Variants in PEX3 observed in about 807,000 individuals in gnomAD.
PEX3 encodes peroxin-3.
Under a neutral mutation model 55.8 loss-of-function variants are expected in PEX3, and 30 were observed. The ratio of observed to expected loss-of-function variants is 0.54; its 90% CI spans 0.40 to 0.73. The LOEUF (loss-of-function observed/expected upper bound fraction) is 0.73. PEX3 is among the 30% of genes least tolerant of loss of function. The pLI, the probability that PEX3 is intolerant of heterozygous loss-of-function variation, is 0.00. For missense variants in PEX3, 351 were observed against 432.8 expected (o/e 0.81, Z 1.68); for synonymous variants, 135 against 148.4 (o/e 0.91, Z 0.66).
In PEX3 at chr6:143,488,422, C is replaced by T. The variant is rs1165843138; in HGVS notation, c.1039-721C>T. On this transcript the variant is annotated intron_variant, in intron 11 of 11. Transcript: ENST00000367591. This position sits in a 1 kb window ranked among gnomAD's most constrained non-coding sequence, Gnocchi z 4.9. The stretch of plus-strand genomic sequence containing the variant: ...TTTTAAAATTAAGTGTATGATATAG[C>T]GGTATTGCTTCTTTATTCATGCATT... Among the ~76,000 whole-genome samples the T allele has an allele frequency of 3.3e-5, 5 of 151,990 alleles. No homozygotes were observed. Among genetic ancestry groups the T allele is most frequent in the South Asian group, 2.1e-4 (1 of 4,826 alleles).
At position 143,458,962 on chromosome 6, in the gene PEX3, G is replaced by C. The variant is rs1779882867; in HGVS notation, c.74-123G>C. 1.5e-6 allele frequency: 1 copy of C among 666,308 alleles called. No individual in the cohort carries two copies. Among genetic ancestry groups the C allele is most frequent in the Non-Finnish European group, 2.6e-6 (1 of 385,272 alleles). The allele number at this position is 666,308 out of a possible 1,614,324, so 41.3% of individuals were successfully genotyped here. Reference sequence around the variant, plus strand: ...CAATCTTACAAAATTCTTTATTTAGGTTTTAAAAATGTAATTTTAGCTATC... The same window carrying C: ...CAATCTTACAAAATTCTTTATTTAGCTTTTAAAAATGTAATTTTAGCTATC... On this transcript the variant is annotated intron_variant, in intron 1 of 11. Transcript: ENST00000367591. This position sits in a 1 kb window ranked among gnomAD's most constrained non-coding sequence, Gnocchi z 6.1.
In PEX3 at chr6:143,450,814, C is replaced by T. The variant is rs1199804028; in HGVS notation, c.-229C>T. On this transcript the variant is annotated 5_prime_UTR_variant, in exon 1 of 12. Transcript: ENST00000367591. ...CTGGGCTTGTCGGACCAGTGAGCGG[C>T]GGCGGCTGCGCGGCGGCAGCGGCAG... 7 of 824,666 alleles carry T rather than the reference C, an allele frequency of 8.5e-6. No individual in the cohort carries two copies. The highest frequency in any genetic ancestry group is 3.1e-5 in the South Asian group (2 of 63,828). 51.1% of individuals were successfully genotyped at this position (824,666 alleles called of 1,614,324 possible).
At position 143,479,179 on chromosome 6, in the gene PEX3, C is replaced by T. The variant is rs771537349; in HGVS notation, c.922C>T (p.His308Tyr). The T allele has an allele frequency of 6.2e-7, 1 of 1,605,086 alleles. No individual in the cohort carries two copies. Among genetic ancestry groups the T allele is most frequent in the Non-Finnish European group, 8.5e-7 (1 of 1,172,022 alleles). Residue 308 changes from histidine to tyrosine, a missense_variant, in exon 10 of 12, where the codon CAT (histidine) becomes TAT (tyrosine). His to Tyr is a moderately conservative substitution (Grantham distance 83, BLOSUM62 2). Coordinates refer to ENST00000367591, the MANE Select transcript of PEX3 (RefSeq NM_003630.3). This position sits in a 1 kb window ranked among gnomAD's most constrained non-coding sequence, Gnocchi z 4.6. ...FFRPTEQDLQ[H>Y]GNSMNSLSSV... ...TCGACCTACTGAACAGGACCTGCAA[C>T]ATGGTAACTCTATGAATAGGTAAGA...
intron 8 of PEX3, among the ~76,000 whole-genome samples, chr6:143,474,044 A>G (rs1340137669): frequency 6.6e-6 from 1 of 152,086 alleles, no homozygotes; most frequent in Non-Finnish European, 1.5e-5. Context: ...AGGCAGGAGG[A>G]TCACTTGAGC....
rs1487888754 is a variant in PEX3, at chr6:143,489,010, C to T, written c.1039-133C>T. 3.1e-6 allele frequency: 2 copies of T among 652,280 alleles called. No individual in the cohort carries two copies. The highest frequency in any genetic ancestry group is 2.7e-5 in the East Asian group (1 of 36,930). The allele number at this position is 652,280 out of a possible 1,614,324, so 40.4% of individuals were successfully genotyped here. A position where few individuals can be genotyped will look rare whatever the true frequency, so the allele number is the denominator to read the frequency against. On this transcript the variant is annotated intron_variant, in intron 11 of 11. Coordinates refer to ENST00000367591, the MANE Select transcript of PEX3 (RefSeq NM_003630.3). This position sits in a 1 kb window ranked among gnomAD's most constrained non-coding sequence, Gnocchi z 5.5. ...AGAATTTATTACAAGAAAAACTACT[C>T]ATTTTCTTAAATGGTTTGCCTCTTG...
chr6:143,472,520 AT>A lies in PEX3; in HGVS notation c.747+196del, dbSNP rs3838325. 0.22 allele frequency among the ~76,000 whole-genome samples: 32,971 copies of A among 152,074 alleles called. 3,682 individuals carry two copies. The highest frequency in any genetic ancestry group is 0.22 in the Non-Finnish European group (14,987 of 67,988). On this transcript the variant is annotated intron_variant, in intron 8 of 11. Coordinates refer to ENST00000367591, the MANE Select transcript of PEX3 (RefSeq NM_003630.3). The stretch of plus-strand genomic sequence containing the variant: ...GATTTCTAGTAAGAAGCACTTAACA[AT>A]TTTAGATATTCAGTACATTTTTATT...
At chr6:143,468,284 T>C (rs950372308) in intron 4 of PEX3, 119 bp downstream of exon 4, 14 of 716,060 alleles carry the variant, frequency 2.0e-5, no homozygotes, top group Non-Finnish European at 3.3e-5. Flanking sequence ...TAGTATTAAA[T>C]AATATAGTAC....
chr6:143,462,354 CAAAT>C lies in PEX3; in HGVS notation c.206-559_206-556del, dbSNP rs1378022751. 7.2e-5 allele frequency among the ~76,000 whole-genome samples: 11 copies of C among 151,996 alleles called. No individual in the cohort carries two copies. In the South Asian group the frequency reaches 2.1e-3, roughly 29 times the overall value. ...AGTAAACATGTACAATAAACAGTAA[CAAAT>C]AATACCCACTGACAAAACTAAAACT... On this transcript the variant is annotated intron_variant, in intron 2 of 11. Coordinates refer to ENST00000367591, the MANE Select transcript of PEX3 (RefSeq NM_003630.3). This position sits in a 1 kb window ranked among gnomAD's most constrained non-coding sequence, Gnocchi z 4.1.
chr6:143,460,924 T>C (rs1431052455), intron 2 of PEX3, among the ~76,000 whole-genome samples: 1 of 151,524 alleles, frequency 6.6e-6, no homozygotes, highest in Non-Finnish European at 1.5e-5. Context: ...ACATCGCAGT[T>C]TGACATGGAC....
rs1780069321 is a variant in PEX3, at chr6:143,471,234, G to A, written c.456+149G>A. ...TTAGTATTATGAATAATTTTTATATGTTGAAACTAGAATTTTTGGTGTGTT... is the reference window on the plus strand; with the variant it reads ...TTAGTATTATGAATAATTTTTATATATTGAAACTAGAATTTTTGGTGTGTT... On this transcript the variant is annotated intron_variant, in intron 5 of 11. Coordinates refer to ENST00000367591, the MANE Select transcript of PEX3 (RefSeq NM_003630.3). This position sits in a 1 kb window ranked among gnomAD's most constrained non-coding sequence, Gnocchi z 5.4. 2.0e-6 allele frequency: 2 copies of A among 980,920 alleles called. No homozygotes were observed. The highest frequency in any genetic ancestry group is 3.1e-6 in the Non-Finnish European group (2 of 641,890). 60.8% of individuals were successfully genotyped at this position (980,920 alleles called of 1,614,324 possible). A position where few individuals can be genotyped will look rare whatever the true frequency, so the allele number is the denominator to read the frequency against.
At chr6:143,484,587 A>G (rs1455851361) in intron 10 of PEX3, among the ~76,000 whole-genome samples, 1 of 152,106 alleles carries the variant, frequency 6.6e-6, no homozygotes, top group Non-Finnish European at 1.5e-5. Context: ...TGCAGATTTA[A>G]CCTGTAAGAT....
Position 143,459,093 on chromosome 6 carries a change from A to G in PEX3, c.82A>G (p.Ile28Val), listed in dbSNP as rs1370159844. The change falls in exon 2 of 12, where the codon ATT becomes GTT. Residue 28 changes from isoleucine (I) to valine (V), a missense_variant. Coordinates refer to ENST00000367591, the MANE Select transcript of PEX3 (RefSeq NM_003630.3). This position sits in a 1 kb window ranked among gnomAD's most constrained non-coding sequence, Gnocchi z 4.2. ...FLGTVLGGVY[I>V]LGKYGQKKIR... The stretch of plus-strand genomic sequence containing the variant: ...TTTTTTAATGATTGTAGGAGTATAT[A>G]TTCTGGGGAAATATGGACAGAAGAA... The G allele has an allele frequency of 6.3e-7, 1 of 1,588,898 alleles. No homozygotes were observed. Among genetic ancestry groups the G allele is most frequent in the Admixed American group, 1.7e-5 (1 of 59,982 alleles).
At position 143,490,415 on chromosome 6, in the gene PEX3, C is replaced by T. The variant is rs1241503967; in HGVS notation, c.*1189C>T. On this transcript the variant is annotated 3_prime_UTR_variant, in exon 12 of 12. Coordinates refer to ENST00000367591, the MANE Select transcript of PEX3 (RefSeq NM_003630.3). This position sits in a 1 kb window ranked among gnomAD's most constrained non-coding sequence, Gnocchi z 6.0. ...CCTGGCTAGGCCTGAAGCTCACTGC[C>T]AGGGAGTTTGTGTCTAGAATGTTTT... 2 of 188,182 alleles carry T rather than the reference C, an allele frequency of 1.1e-5. No homozygotes were observed. The highest frequency in any genetic ancestry group is 2.2e-5 in the Non-Finnish European group (2 of 92,558). The allele number at this position is 188,182 out of a possible 1,614,324, so 11.7% of individuals were successfully genotyped here.
At position 143,476,449 on chromosome 6, in the gene PEX3, T is replaced by C. The variant is rs1780155317; in HGVS notation, c.818+1593T>C. On this transcript the variant is annotated intron_variant, in intron 9 of 11. Coordinates refer to ENST00000367591, the MANE Select transcript of PEX3 (RefSeq NM_003630.3). The surrounding 1 kb of genome is among the most constrained non-coding windows in gnomAD (Gnocchi z 5.4). The stretch of plus-strand genomic sequence containing the variant: ...TCATCTGTGTTTATAAAAGATCTCA[T>C]TGCTCTATGGTAAGCTGACTATAAA... 6.6e-6 allele frequency among the ~76,000 whole-genome samples: 1 copy of C among 152,226 alleles called. No homozygotes were observed. Among genetic ancestry groups the C allele is most frequent in the Admixed American group, 6.5e-5 (1 of 15,276 alleles).
chr6:143,467,934 T>G (rs1187864053), intron 3 of PEX3, among the ~76,000 whole-genome samples, 188 bp from the exon 4 acceptor site: 1 of 152,164 alleles, frequency 6.6e-6, no homozygotes, highest in Non-Finnish European at 1.5e-5. Context: ...ATATACCAGT[T>G]AAAGTGGTTG....
chr6:143,470,885 AT>A (rs1008226708), intron 4 of PEX3, 75 bp from the exon 5 acceptor site: 27 of 1,281,748 alleles, frequency 2.1e-5, no homozygotes, highest in Admixed American at 3.6e-5. Flanking sequence ...TTACAAAAAA[AT>A]AACCTTAGGA....
In PEX3 at chr6:143,459,239, C is replaced by T. The variant is rs1779887312; in HGVS notation, c.205+23C>T. On this transcript the variant is annotated intron_variant, in intron 2 of 11. Coordinates refer to ENST00000367591, the MANE Select transcript of PEX3 (RefSeq NM_003630.3). The surrounding 1 kb of genome is among the most constrained non-coding windows in gnomAD (Gnocchi z 4.2). ...CAGGTAAGACAGAGAAATATTTATA[C>T]ATGTGTAAAGTTGTTTGACGGTTGT... is the stretch of plus-strand genomic sequence containing the variant. 1 of 1,600,920 alleles carries T rather than the reference C, an allele frequency of 6.2e-7. No individual in the cohort carries two copies. Among genetic ancestry groups the T allele is most frequent in the African/African-American group, 1.3e-5 (1 of 74,598 alleles).
rs1779948673 is a variant in PEX3, at chr6:143,463,259, C to G, written c.287+262C>G. Among the ~76,000 whole-genome samples the G allele has an allele frequency of 1.3e-5, 2 of 152,086 alleles. No homozygotes were observed. The highest frequency in any genetic ancestry group is 4.8e-5 in the African/African-American group (2 of 41,400). On this transcript the variant is annotated intron_variant, in intron 3 of 11. Transcript: ENST00000367591. The surrounding 1 kb of genome is among the most constrained non-coding windows in gnomAD (Gnocchi z 5.7). ...GACCTTATAGCACTTTGAAATTGTTCACAAATTTAATTATGCAGTGCTTGT... is the reference window on the plus strand; with the variant it reads ...GACCTTATAGCACTTTGAAATTGTTGACAAATTTAATTATGCAGTGCTTGT...
chr6:143,456,033 T>C (rs1779840634), intron 1 of PEX3, among the ~76,000 whole-genome samples: 2 of 152,222 alleles, frequency 1.3e-5, no homozygotes, highest in Admixed American at 6.5e-5. Context: ...TCTAGTAATG[T>C]TATTAATGGA....
Sources: allele counts gnomAD v4.1 joint callset (sites outside exome capture counted in the v4.1 genomes callset), GRCh38; gene constraint gnomAD v4.1.1; non-coding constraint Gnocchi (gnomAD v3.1); transcripts MANE v1.5; gene names NCBI Gene and HGNC (gene_info 2026-07-23, HGNC 2026-07-21).